Variants in ZNF543 observed in about 807,000 individuals in gnomAD.
ZNF543 encodes the protein zinc finger protein 543.
ZNF543 carries 10 observed loss-of-function variants against 13.4 expected under a neutral mutation model. That is an observed-to-expected ratio of 0.75 (90% CI 0.46 to 1.26). ZNF543 has a LOEUF of 1.26. ZNF543 is among the 50% of genes most tolerant of loss of function. The pLI, the probability that ZNF543 is intolerant of heterozygous loss-of-function variation, is 0.00. For synonymous variants in ZNF543, 272 were observed against 264.7 expected (o/e 1.03, Z -0.27); for missense variants, 768 against 741.2 (o/e 1.04, Z -0.42).
At chr19:57,323,432 T>TCCAC (rs2088101931) in intron 1 of ZNF543, among the ~76,000 whole-genome samples, 1 of 152,178 alleles carries the variant, frequency 6.6e-6, no homozygotes, top group East Asian at 1.9e-4. Context: ...GACCTCGTGA[T>TCCAC]CTGCCCTTCA....
chr19:57,330,573 C>G lies in ZNF543; in HGVS notation c.*1308C>G, dbSNP rs1485307370. The G allele has an allele frequency of 2.0e-5, 3 of 151,952 alleles. No individual in the cohort carries two copies. Among genetic ancestry groups the G allele is most frequent in the Non-Finnish European group, 2.9e-5 (2 of 67,976 alleles). 9.4% of individuals were successfully genotyped at this position (151,952 alleles called of 1,614,324 possible). ...TTTAACTGGAATTTTAACAGGCAAG[C>G]CGGCATGCATATATGTAGGGATGTG... On this transcript the variant is annotated 3_prime_UTR_variant, in exon 4 of 4. Transcript: ENST00000321545.
Position 57,328,699 on chromosome 19 carries a change from C to T in ZNF543, c.1237C>T (p.His413Tyr), listed in dbSNP as rs147551783. ...CAACCGTAGGTCACACCTCAAGCAGCATCAACGGATTCACACTGGGGAGAA... is the reference window on the plus strand; with the variant it reads ...CAACCGTAGGTCACACCTCAAGCAGTATCAACGGATTCACACTGGGGAGAA... ...AFNRRSHLKQ[H>Y]QRIHTGEKPY... is the part of the protein sequence containing the mutation. The change falls in exon 4 of 4, where the codon CAT becomes TAT. Residue 413 changes from histidine to tyrosine, a missense_variant. Transcript: ENST00000321545. 1.5e-5 allele frequency: 24 copies of T among 1,613,432 alleles called. No homozygotes were observed. The highest frequency in any genetic ancestry group is 2.7e-5 in the African/African-American group (2 of 74,814).
In ZNF543 at chr19:57,327,936, G is replaced by A. The variant is rs775344792; in HGVS notation, c.474G>A (p.Gly158=). The change falls in exon 4 of 4, where the codon GGG becomes GGA. Residue 158 remains glycine, a synonymous_variant. Coordinates refer to ENST00000321545, the MANE Select transcript of ZNF543 (RefSeq NM_213598.4). ...TGAGTTCTGAACGTGATGGTTTGGG[G>A]TCAGATGATGGTGTATGTACAAAGA... ...EKMSSERDGL[G]SDDGVCTKIT... 3.8e-5 allele frequency: 62 copies of A among 1,614,012 alleles called. 1 individual carries two copies. In the Admixed American group the frequency reaches 1.0e-3, roughly 26 times the overall value.
rs75628842 is a variant in ZNF543, at chr19:57,322,643, T to C, written c.19-1039T>C. ...CATAGGGCCCTGGGTTCAAATTCTG[T>C]CTCTCCTGATAAGAGATGTGACTTT... On this transcript the variant is annotated intron_variant, in intron 1 of 3. Coordinates refer to ENST00000321545, the MANE Select transcript of ZNF543 (RefSeq NM_213598.4). 7.7e-3 allele frequency among the ~76,000 whole-genome samples: 1,168 copies of C among 152,262 alleles called. 8 individuals are homozygous for C. Among genetic ancestry groups the C allele is most frequent in the Non-Finnish European group, 0.012 (848 of 68,022 alleles).
chr19:57,324,425 A>G (rs193219799), intron 2 of ZNF543, among the ~76,000 whole-genome samples: 1,776 of 151,560 alleles, frequency 0.012, 33 homozygotes, highest in African/African-American at 0.041. Context: ...ATGGTTCAGT[A>G]GAGTGTGTTG....
rs778094542 is a variant in ZNF543 at position 57,320,513 on chromosome 19, CAGTGTG to C, written c.-340_-335del. 57 of 263,278 alleles carry C rather than the reference CAGTGTG, an allele frequency of 2.2e-4. No homozygotes were observed. The highest frequency in any genetic ancestry group is 2.8e-4 in the Non-Finnish European group (38 of 136,292). The allele number at this position is 263,278 out of a possible 1,614,324, so 16.3% of individuals were successfully genotyped here. A position where few individuals can be genotyped will look rare whatever the true frequency, so the allele number is the denominator to read the frequency against. On this transcript the variant is annotated 5_prime_UTR_variant, in exon 1 of 4. Transcript: ENST00000321545. ...TCCGTGAGCAGGATTGGCCCTGGAA[CAGTGTG>C]GGGCCTGGACCGCTGGGTAGGCGCG...
intron 1 of ZNF543, 36 bp downstream of exon 1, chr19:57,320,907 G>C: frequency 6.2e-7 from 1 of 1,613,800 alleles, no homozygotes; most frequent in Non-Finnish European, 8.5e-7. Flanking sequence ...CTGCTGCTCT[G>C]CTACTTCTGG....
At position 57,327,914 on chromosome 19, in the gene ZNF543, G is replaced by A; in HGVS notation, c.452G>A (p.Ser151Asn). The change falls in exon 4 of 4, where the codon AGT becomes AAT. Residue 151 changes from serine to asparagine, a missense_variant. Coordinates refer to ENST00000321545, the MANE Select transcript of ZNF543 (RefSeq NM_213598.4). ...PQRGKLLEKM[S>N]SERDGLGSDD... ...CGGGGGAAGCTGCTGGAGAAAATGA[G>A]TTCTGAACGTGATGGTTTGGGGTCA... is the stretch of plus-strand genomic sequence containing the variant. The A allele has an allele frequency of 6.2e-7, 1 of 1,614,188 alleles. No homozygotes were observed. Among genetic ancestry groups the A allele is most frequent in the Non-Finnish European group, 8.5e-7 (1 of 1,180,044 alleles).
Position 57,327,759 on chromosome 19 carries a change from T to G in ZNF543, c.297T>G (p.Pro99=). 1 of 1,613,832 alleles carries G rather than the reference T, an allele frequency of 6.2e-7. No homozygotes were observed. The highest frequency in any genetic ancestry group is 8.5e-7 in the Non-Finnish European group (1 of 1,179,948). Residue 99 remains proline, a synonymous_variant, in exon 4 of 4, where the codon CCT becomes CCG. Transcript: ENST00000321545. ...TEPTFSHLAL[P]EEVLLQEQLT... ...CTACCTTTTCTCACCTGGCCTTGCC[T>G]GAGGAAGTCTTACTCCAGGAACAAC...
At position 57,329,075 on chromosome 19, in the gene ZNF543, G is replaced by A. The variant is rs1378731834; in HGVS notation, c.1613G>A (p.Ser538Asn). 5 of 1,614,176 alleles carry A rather than the reference G, an allele frequency of 3.1e-6. No individual in the cohort carries two copies. In the East Asian group the frequency reaches 1.1e-4, roughly 36 times the overall value. ...ACTGGAGAGAAGCCGTATGAATGCAGTGAGTGTGGAAAGGCTTTTAATCGC... is the reference window on the plus strand; with the variant it reads ...ACTGGAGAGAAGCCGTATGAATGCAATGAGTGTGGAAAGGCTTTTAATCGC... ...IHTGEKPYEC[S>N]ECGKAFNRGS... Residue 538 changes from serine (S) to asparagine (N), a missense_variant, in exon 4 of 4, where the codon AGT becomes AAT. By Grantham distance (46) the Ser-to-Asn change is conservative. Transcript: ENST00000321545.
intron 2 of ZNF543, among the ~76,000 whole-genome samples, chr19:57,325,420 T>G (rs540585321): frequency 2.0e-5 from 3 of 152,342 alleles, no homozygotes; most frequent in South Asian, 4.1e-4. Flanking sequence ...TGAAAAGTTT[T>G]GGGCTATATG....
intron 2 of ZNF543, 23 bp from the exon 3 acceptor site, chr19:57,326,610 C>T: frequency 6.3e-7 from 1 of 1,589,436 alleles, no homozygotes; most frequent in Middle Eastern, 1.7e-4. Context: ...CTCCCTGTGT[C>T]CTCTTTTGTT....
chr19:57,325,865 A>C (rs2088117579), intron 2 of ZNF543, among the ~76,000 whole-genome samples: 1 of 152,146 alleles, frequency 6.6e-6, no homozygotes, highest in South Asian at 2.1e-4. Flanking sequence ...GTTCCCTCAC[A>C]GAATTCCCAG....
At position 57,320,675 on chromosome 19, in the gene ZNF543, A is replaced by C. The variant is rs757976648; in HGVS notation, c.-179A>C. The C allele has an allele frequency of 6.4e-4, 437 of 679,822 alleles. 1 individual carries two copies. The highest frequency in any genetic ancestry group is 2.2e-3 in the Middle Eastern group (5 of 2,274). 42.1% of individuals were successfully genotyped at this position (679,822 alleles called of 1,614,324 possible). ...CGCCTGCCGAGGCCTAGGCCTCCGC[A>C]GCCGCCCTCCGTCTCCTCAGCCCCG... On this transcript the variant is annotated 5_prime_UTR_variant, in exon 1 of 4. Transcript: ENST00000321545.
In ZNF543 at chr19:57,323,662, A is replaced by G. The variant is rs990299868; in HGVS notation, c.19-20A>G. 11 of 1,609,720 alleles carry G rather than the reference A, an allele frequency of 6.8e-6. No homozygotes were observed. The highest frequency in any genetic ancestry group is 9.3e-6 in the Non-Finnish European group (11 of 1,177,292). ...CCACAGTTCCAAGGGAAACACTACTATCTCTGTTTAATTTTCCAGGTGTCT... is the reference window on the plus strand; with the variant it reads ...CCACAGTTCCAAGGGAAACACTACTGTCTCTGTTTAATTTTCCAGGTGTCT... On this transcript the variant is annotated intron_variant, in intron 1 of 3. Coordinates refer to ENST00000321545, the MANE Select transcript of ZNF543 (RefSeq NM_213598.4).
chr19:57,329,074 A>G lies in ZNF543; in HGVS notation c.1612A>G (p.Ser538Gly), dbSNP rs889933037. Residue 538 changes from serine (S) to glycine (G), a missense_variant, in exon 4 of 4, where the codon AGT (serine) becomes GGT (glycine). Physicochemically the swap from Ser to Gly is moderately conservative, Grantham distance 56. This residue lies in a region of ZNF543 where 677 missense variants were observed against 631.4 expected (regional missense o/e 1.07). Coordinates refer to ENST00000321545, the MANE Select transcript of ZNF543 (RefSeq NM_213598.4). ...IHTGEKPYEC[S>G]ECGKAFNRGS... ...CACTGGAGAGAAGCCGTATGAATGC[A>G]GTGAGTGTGGAAAGGCTTTTAATCG... 4 of 1,614,084 alleles carry G rather than the reference A, an allele frequency of 2.5e-6. No individual in the cohort carries two copies. In the Admixed American group the frequency reaches 5.0e-5, roughly 20 times the overall value.
chr19:57,326,205 G>A (rs1247402395), intron 2 of ZNF543, among the ~76,000 whole-genome samples: 3 of 152,076 alleles, frequency 2.0e-5, no homozygotes, highest in Admixed American at 6.5e-5. Flanking sequence ...TTTTTGAGAC[G>A]GAGCTTCGCT....
rs780162802 is a variant in ZNF543, at chr19:57,320,538, A to G, written c.-316A>G. ...CAGTGTGGGGCCTGGACCGCTGGGT[A>G]GGCGCGTCCAGCGGCCTGAGCAGGG... is the stretch of plus-strand genomic sequence containing the variant. On this transcript the variant is annotated 5_prime_UTR_variant, in exon 1 of 4. Coordinates refer to ENST00000321545, the MANE Select transcript of ZNF543 (RefSeq NM_213598.4). 47 of 360,474 alleles carry G rather than the reference A, an allele frequency of 1.3e-4. No individual in the cohort carries two copies. The highest frequency in any genetic ancestry group is 9.8e-5 in the Non-Finnish European group (19 of 194,036). The allele number at this position is 360,474 out of a possible 1,614,324, so 22.3% of individuals were successfully genotyped here.
chr19:57,324,329 C>A (rs1301505381), intron 2 of ZNF543, among the ~76,000 whole-genome samples: 1 of 137,216 alleles, frequency 7.3e-6, no homozygotes, highest in South Asian at 2.3e-4. Context: ...CCAGCCCAGG[C>A]GACAGTGTGA....
Sources: gnomAD v4.1 joint callset for allele counts (sites outside exome capture counted in the v4.1 genomes callset) on GRCh38, gnomAD v4.1.1 for gene constraint, gnomAD v4.1.1 regional missense constraint, MANE v1.5 for transcripts, NCBI Gene and HGNC (gene_info 2026-07-23, HGNC 2026-07-21) for gene names.